VPS41: variants seen among roughly 807,000 people sequenced by gnomAD.
The protein encoded by VPS41 is VPS41 subunit of HOPS complex.
In VPS41, 85 loss-of-function variants were observed where a neutral mutation model predicts 130.9. The observed-to-expected ratio is 0.65, with a 90% CI of 0.55 to 0.78. The LOEUF is 0.78. Among genes scored for constraint, VPS41 ranks in the 30% least tolerant of loss-of-function variants. The pLI is 0.00. For synonymous variants in VPS41, 335 were observed against 332.9 expected (o/e 1.01, Z -0.07); for missense variants, 874 against 1,018.7 (o/e 0.86, Z 1.93).
chr7:38,783,612 C>T (rs997718890), intron 10 of VPS41, among the ~76,000 whole-genome samples: 5 of 151,842 alleles, frequency 3.3e-5, no homozygotes, highest in African/African-American at 9.7e-5. Flanking sequence ...AATAGCACAG[C>T]GCAAGAAAAT....
intron 1 of VPS41, among the ~76,000 whole-genome samples, chr7:38,902,141 C>A (rs1258995693): frequency 3.9e-5 from 6 of 152,190 alleles, no homozygotes; most frequent in Admixed American, 3.9e-4. Flanking sequence ...TGACATGTGG[C>A]CTCTCTAATG....
At chr7:38,829,343 G>C (rs1009031851) in intron 5 of VPS41, among the ~76,000 whole-genome samples, 1 of 152,008 alleles carries the variant, frequency 6.6e-6, no homozygotes, top group East Asian at 1.9e-4. Flanking sequence ...TTTTACACCG[G>C]GTATACTGTT....
chr7:38,774,297 T>C (rs1367565020), intron 11 of VPS41, 53 bp from the exon 12 acceptor site: 4 of 1,471,442 alleles, frequency 2.7e-6, no homozygotes, highest in South Asian at 2.8e-5. Context: ...CTATATATCA[T>C]ACAAATTAAT....
At chr7:38,744,319 C>T (rs1004574714) in intron 23 of VPS41, among the ~76,000 whole-genome samples, 1 of 152,158 alleles carries the variant, frequency 6.6e-6, no homozygotes, top group Non-Finnish European at 1.5e-5. Context: ...GTCACCCTTA[C>T]CCCTGTCTCT....
At position 38,832,731 on chromosome 7, in the gene VPS41, G is replaced by C. The variant is rs184068408; in HGVS notation, c.247-2403C>G. On this transcript the variant is annotated intron_variant, in intron 4 of 28. Coordinates refer to ENST00000310301, the MANE Select transcript of VPS41 (RefSeq NM_014396.4). ...AATCCTAACTTACTTCACCTAATTG[G>C]AGCACGTAGCACCACTGGTAATTCC... Among the ~76,000 whole-genome samples, 50 of 152,036 alleles carry C rather than the reference G, an allele frequency of 3.3e-4. 1 individual carries two copies. Among genetic ancestry groups the C allele is most frequent in the African/African-American group, 1.1e-3 (46 of 41,402 alleles).
At chr7:38,871,706 T>C (rs918256009) in intron 2 of VPS41, among the ~76,000 whole-genome samples, 1 of 152,242 alleles carries the variant, frequency 6.6e-6, no homozygotes, top group African/African-American at 2.4e-5. Flanking sequence ...ATTCTAAACC[T>C]AGAAATAATT....
chr7:38,776,792 A>G lies in VPS41; in HGVS notation c.785-16T>C. On this transcript the variant is annotated splice_polypyrimidine_tract_variant and intron_variant, in intron 10 of 28. Transcript: ENST00000310301. ...AACTGAGACACTGCAAACAAAAGGG[A>G]TACAGGAGTCATCATCAACAGGGGC... 6.7e-7 allele frequency: 1 copy of G among 1,489,032 alleles called. No homozygotes were observed. Among genetic ancestry groups the G allele is most frequent in the Non-Finnish European group, 9.4e-7 (1 of 1,067,338 alleles). 92.2% of individuals were successfully genotyped at this position (1,489,032 alleles called of 1,614,324 possible). A position where few individuals can be genotyped will look rare whatever the true frequency, so the allele number is the denominator to read the frequency against.
At position 38,794,328 on chromosome 7, in the gene VPS41, T is replaced by C. The variant is rs368248269; in HGVS notation, c.717+1137A>G. 6.6e-5 allele frequency among the ~76,000 whole-genome samples: 10 copies of C among 152,202 alleles called. No homozygotes were observed. In the South Asian group the frequency reaches 2.1e-3, roughly 32 times the overall value. On this transcript the variant is annotated intron_variant, in intron 9 of 28. Coordinates refer to ENST00000310301, the MANE Select transcript of VPS41 (RefSeq NM_014396.4). ...AATCAGGTTGTGTTCATGTAACACA[T>C]GAAGAAAAAAGAACCTGAATGATAA... is the stretch of plus-strand genomic sequence containing the variant.
At chr7:38,739,915 C>T (rs139940501) in intron 25 of VPS41, among the ~76,000 whole-genome samples, 144 of 152,292 alleles carry the variant, frequency 9.5e-4, no homozygotes, top group African/African-American at 3.4e-3. Flanking sequence ...TTATGTTAGG[C>T]ATTCATTTTG....
intron 4 of VPS41, among the ~76,000 whole-genome samples, chr7:38,844,238 A>G (rs11970960): frequency 0.11 from 17,029 of 152,248 alleles, 1,495 homozygotes; most frequent in African/African-American, 0.24. Flanking sequence ...AACTAGCTGC[A>G]GTGCTTCAAG....
intron 4 of VPS41, among the ~76,000 whole-genome samples, chr7:38,842,983 A>T (rs1785639360): frequency 6.6e-6 from 1 of 152,250 alleles, no homozygotes; most frequent in Non-Finnish European, 1.5e-5. Flanking sequence ...GGGAACAAGA[A>T]CCACAATCAT....
At chr7:38,791,995 G>T (rs1330668767) in intron 9 of VPS41, among the ~76,000 whole-genome samples, 1 of 152,100 alleles carries the variant, frequency 6.6e-6, no homozygotes, top group Non-Finnish European at 1.5e-5. Context: ...CAGAGATGAG[G>T]ACACTGAGGC....
chr7:38,729,419 T>G (rs1410133429), intron 25 of VPS41, among the ~76,000 whole-genome samples: 1 of 152,184 alleles, frequency 6.6e-6, no homozygotes, highest in Non-Finnish European at 1.5e-5. Context: ...GTGGTGTGTG[T>G]GTGTGTGTGG....
intron 10 of VPS41, among the ~76,000 whole-genome samples, chr7:38,783,297 G>A (rs1784385466): frequency 6.6e-6 from 1 of 152,082 alleles, no homozygotes; most frequent in Non-Finnish European, 1.5e-5. Context: ...AGCACTTTGG[G>A]AGGCCAAGGC....
chr7:38,906,751 A>C (rs1235907247), intron 1 of VPS41, among the ~76,000 whole-genome samples: 2 of 152,206 alleles, frequency 1.3e-5, no homozygotes, highest in Non-Finnish European at 2.9e-5. Flanking sequence ...GAAAATCATT[A>C]AAATGGAAAG....
At chr7:38,780,995 T>G (rs556474446) in intron 10 of VPS41, among the ~76,000 whole-genome samples, 1 of 152,280 alleles carries the variant, frequency 6.6e-6, no homozygotes, top group African/African-American at 2.4e-5. Flanking sequence ...ATGATTTAAG[T>G]TTCCTGAGGC....
rs185187728 is a variant in VPS41, at chr7:38,758,561, C to A, written c.1423-80G>T. 328 of 1,389,354 alleles carry A rather than the reference C, an allele frequency of 2.4e-4. 1 individual carries two copies. In the African/African-American group the frequency reaches 3.8e-3, roughly 16 times the overall value. The allele number at this position is 1,389,354 out of a possible 1,614,324, so 86.1% of individuals were successfully genotyped here. Reference sequence around the variant, plus strand: ...TGATATTGTGAAATATACATTTGGTCCTCCTTCTGTTTCCTGGCATATAAC... The same window carrying A: ...TGATATTGTGAAATATACATTTGGTACTCCTTCTGTTTCCTGGCATATAAC... On this transcript the variant is annotated intron_variant, in intron 17 of 28. Transcript: ENST00000310301.
chr7:38,824,911 A>C (rs1230971169), intron 5 of VPS41, among the ~76,000 whole-genome samples: 4 of 152,260 alleles, frequency 2.6e-5, no homozygotes, highest in Non-Finnish European at 5.9e-5. Flanking sequence ...CAGATCAGTA[A>C]ATGTGTGGAT....
intron 2 of VPS41, among the ~76,000 whole-genome samples, chr7:38,890,870 G>C (rs1786847904): frequency 6.6e-6 from 1 of 151,890 alleles, no homozygotes; most frequent in Non-Finnish European, 1.5e-5. Context: ...ATTTTTTGTA[G>C]AGACGGGGTC....
Sources: gnomAD v4.1 joint callset for allele counts (sites outside exome capture counted in the v4.1 genomes callset) on GRCh38, gnomAD v4.1.1 for gene constraint, MANE v1.5 for transcripts, NCBI Gene and HGNC (gene_info 2026-07-23, HGNC 2026-07-21) for gene names.